LIFR: variants seen among roughly 807,000 people sequenced by gnomAD.
LIFR encodes LIF receptor subunit alpha.
A neutral mutation model predicts 122.2 loss-of-function variants in LIFR; 84 were observed. The observed-to-expected ratio is 0.69, with a 90% confidence interval of 0.58 to 0.82. The LOEUF (loss-of-function observed/expected upper bound fraction) is 0.82, where lower values mean the gene tolerates loss of function less well. Ranked by LOEUF, LIFR falls within the 40% of genes least tolerant of loss-of-function variation. The pLI is 0.00. For missense variants in LIFR, 1,294 were observed against 1,311.6 expected (o/e 0.99, Z 0.21); for synonymous variants, 422 against 434.7 (o/e 0.97, Z 0.36).
In LIFR at chr5:38,531,962, C is replaced by G. The variant is rs111619234; in HGVS notation, c.-19-1296G>C. On this transcript the variant is annotated intron_variant, in intron 1 of 19. Transcript: ENST00000453190. Reference sequence around the variant, plus strand: ...TGAATGAATAACTTCCTAGTCAATTCCAGGGTCATTGAGTTTACTTAGTAG... The same window carrying G: ...TGAATGAATAACTTCCTAGTCAATTGCAGGGTCATTGAGTTTACTTAGTAG... Among the ~76,000 whole-genome samples, 66 of 152,268 alleles carry G rather than the reference C, an allele frequency of 4.3e-4. 1 individual carries two copies. Among genetic ancestry groups the G allele is most frequent in the African/African-American group, 1.6e-3 (65 of 41,550 alleles).
At position 38,489,396 on chromosome 5, in the gene LIFR, C is replaced by T. The variant is rs112986545; in HGVS notation, c.2168-151G>A. 103 of 726,996 alleles carry T rather than the reference C, an allele frequency of 1.4e-4. 1 individual carries two copies. The highest frequency in any genetic ancestry group is 9.4e-4 in the African/African-American group (53 of 56,402). 45.0% of individuals were successfully genotyped at this position (726,996 alleles called of 1,614,324 possible). Reference sequence around the variant, plus strand: ...ACTTTCAGAGAGAGATGATCACAAACGCTTTTTTTGTGAAGCTTACATACT... The same window carrying T: ...ACTTTCAGAGAGAGATGATCACAAATGCTTTTTTTGTGAAGCTTACATACT... On this transcript the variant is annotated intron_variant, in intron 15 of 19. Coordinates refer to ENST00000453190, the MANE Select transcript of LIFR (RefSeq NM_001127671.2).
chr5:38,594,054 C>T (rs1384954949), intron 1 of LIFR, among the ~76,000 whole-genome samples: 1 of 152,128 alleles, frequency 6.6e-6, no homozygotes, highest in Non-Finnish European at 1.5e-5. Flanking sequence ...GACACACGGA[C>T]GTGATCCAGG....
intron 13 of LIFR, among the ~76,000 whole-genome samples, chr5:38,495,835 A>G (rs1744847617): frequency 6.6e-6 from 1 of 152,214 alleles, no homozygotes; most frequent in Non-Finnish European, 1.5e-5. Flanking sequence ...AAGGCACTAA[A>G]TTTTAAAAAC....
At chr5:38,565,375 C>T (rs1748985243) in intron 1 of LIFR, among the ~76,000 whole-genome samples, 1 of 151,888 alleles carries the variant, frequency 6.6e-6, no homozygotes, top group African/African-American at 2.4e-5. Flanking sequence ...TATTGCCTAA[C>T]TAATTTAGGC....
upstream of LIFR, among the ~76,000 whole-genome samples, chr5:38,559,908 G>C (rs1215552531): frequency 6.6e-6 from 1 of 152,066 alleles, no homozygotes; most frequent in East Asian, 1.9e-4. Flanking sequence ...TATTGCATTT[G>C]AAATGCATCA....
rs1004153561 is a variant in LIFR at position 38,481,432 on chromosome 5, A to C, written c.*163T>G. The C allele has an allele frequency of 2.5e-5, 20 of 794,908 alleles. No homozygotes were observed. Among genetic ancestry groups the C allele is most frequent in the African/African-American group, 1.4e-4 (8 of 58,404 alleles). The allele number at this position is 794,908 out of a possible 1,614,324, so 49.2% of individuals were successfully genotyped here. A position where few individuals can be genotyped will look rare whatever the true frequency, so the allele number is the denominator to read the frequency against. On this transcript the variant is annotated 3_prime_UTR_variant, in exon 20 of 20. Transcript: ENST00000453190. ...GTCACTATACTTTGGCTTTTAGACTACATTAAAAGCACATGAACACTTTCA... is the reference window on the plus strand; with the variant it reads ...GTCACTATACTTTGGCTTTTAGACTCCATTAAAAGCACATGAACACTTTCA...
intron 1 of LIFR, among the ~76,000 whole-genome samples, chr5:38,578,555 CT>C (rs202014456): frequency 8.3e-5 from 12 of 143,776 alleles, no homozygotes; most frequent in East Asian, 2.1e-4. Flanking sequence ...GACACTATTT[CT>C]TTTTTTTTTA....
chr5:38,501,919 T>C (rs900886303), intron 11 of LIFR, among the ~76,000 whole-genome samples: 1 of 151,706 alleles, frequency 6.6e-6, no homozygotes, highest in Non-Finnish European at 1.5e-5. Context: ...CAAGACCTTT[T>C]AGCCACATTT....
chr5:38,559,712 G>A (rs1748760792), upstream of LIFR, among the ~76,000 whole-genome samples: 1 of 152,148 alleles, frequency 6.6e-6, no homozygotes, highest in Non-Finnish European at 1.5e-5. Context: ...AAAAGTGTAG[G>A]TTTTGTCACA....
At chr5:38,501,569 C>T (rs181127363) in intron 11 of LIFR, among the ~76,000 whole-genome samples, 1 of 151,994 alleles carries the variant, frequency 6.6e-6, no homozygotes, top group South Asian at 2.1e-4. Context: ...CTGACCAACA[C>T]GGTGAAACCC....
At chr5:38,578,190 C>CT (rs1320373453) in intron 1 of LIFR, among the ~76,000 whole-genome samples, 1 of 127,676 alleles carries the variant, frequency 7.8e-6, no homozygotes, top group African/African-American at 3.0e-5. Flanking sequence ...TTTTTCTTTT[C>CT]TTTTCTTTTT....
intron 16 of LIFR, among the ~76,000 whole-genome samples, chr5:38,486,902 G>A (rs1300434616): frequency 6.6e-6 from 1 of 152,192 alleles, no homozygotes; most frequent in Non-Finnish European, 1.5e-5. Flanking sequence ...ATGAGTTACT[G>A]CTAAGACACA....
chr5:38,516,379 C>T (rs1168874604), intron 5 of LIFR, among the ~76,000 whole-genome samples: 1 of 152,262 alleles, frequency 6.6e-6, no homozygotes, highest in Non-Finnish European at 1.5e-5. Flanking sequence ...AAAAATCAAA[C>T]AACCCCATCA....
intron 1 of LIFR, among the ~76,000 whole-genome samples, chr5:38,562,130 T>C (rs1268915548): frequency 1.3e-5 from 2 of 152,186 alleles, no homozygotes. Flanking sequence ...GTGAACTCTG[T>C]CCATCCCCTC....
chr5:38,564,745 CACACACACA>C (rs1748957142), intron 1 of LIFR, among the ~76,000 whole-genome samples: 1 of 134,726 alleles, frequency 7.4e-6, no homozygotes, highest in Admixed American at 7.2e-5. Flanking sequence ...TACACACACA[CACACACACA>C]CACACACACA....
intron 1 of LIFR, among the ~76,000 whole-genome samples, chr5:38,582,354 A>T (rs191991166): frequency 1.7e-4 from 26 of 152,282 alleles, no homozygotes; most frequent in African/African-American, 6.0e-4. Flanking sequence ...GACCAAGTAA[A>T]TCCTTCAATC....
At chr5:38,482,354 G>T in intron 19 of LIFR, 136 bp from the exon 20 acceptor site, 1 of 785,432 alleles carries the variant, frequency 1.3e-6, no homozygotes, top group Non-Finnish European at 1.9e-6. Flanking sequence ...TCACACAACA[G>T]CACAGCCACT....
chr5:38,498,680 A>T (rs1038294631), intron 12 of LIFR, among the ~76,000 whole-genome samples: 1 of 152,192 alleles, frequency 6.6e-6, no homozygotes, highest in African/African-American at 2.4e-5. Flanking sequence ...CAATATTTCA[A>T]ACTTTCGTAT....
intron 14 of LIFR, among the ~76,000 whole-genome samples, chr5:38,493,203 A>T (rs1580020194): frequency 6.6e-6 from 1 of 150,422 alleles, no homozygotes; most frequent in South Asian, 2.1e-4. Flanking sequence ...ACCAGGCTAC[A>T]GTTCCGTAGT....
Sources: allele counts gnomAD v4.1 joint callset (sites outside exome capture counted in the v4.1 genomes callset), GRCh38; gene constraint gnomAD v4.1.1; transcripts MANE v1.5; gene names NCBI Gene and HGNC (gene_info 2026-07-23, HGNC 2026-07-21).